Variants in GSG1L observed in about 807,000 individuals in gnomAD.
The protein encoded by GSG1L is germ cell-specific gene 1-like protein.
In GSG1L, 24 loss-of-function variants were observed where a neutral mutation model predicts 42.1. The ratio of observed to expected loss-of-function variants is 0.57; its 90% CI spans 0.41 to 0.80. The LOEUF (loss-of-function observed/expected upper bound fraction) is 0.80, where lower values mean the gene tolerates loss of function less well. GSG1L is among the 30% of genes least tolerant of loss of function. The probability of loss-of-function intolerance (pLI) is 0.00; values close to 1 mark genes in which losing one functional copy is unlikely to be tolerated. For synonymous variants in GSG1L, 215 were observed against 203.5 expected (o/e 1.06, Z -0.48); for missense variants, 445 against 472.2 (o/e 0.94, Z 0.53).
chr16:27,841,699 T>A (rs2083383241), intron 4 of GSG1L, among the ~76,000 whole-genome samples: 1 of 152,146 alleles, frequency 6.6e-6, no homozygotes, highest in African/African-American at 2.4e-5. Flanking sequence ...GAGAAATGGA[T>A]CAGCACTAAT....
At chr16:27,900,194 C>T (rs1372389942) in intron 2 of GSG1L, among the ~76,000 whole-genome samples, 3 of 152,206 alleles carry the variant, frequency 2.0e-5, no homozygotes. Flanking sequence ...CCAAATTGAA[C>T]CTGCGGGGTG....
chr16:27,932,204 C>A (rs2084664845), intron 2 of GSG1L, among the ~76,000 whole-genome samples: 1 of 152,150 alleles, frequency 6.6e-6, no homozygotes, highest in Non-Finnish European at 1.5e-5. Context: ...AGGCATGCAC[C>A]ACCACACCTG....
rs1254796070 is a variant in GSG1L at position 27,789,351 on chromosome 16, G to A, written c.*2019C>T. 6.6e-6 allele frequency: 1 copy of A among 151,966 alleles called. No individual in the cohort carries two copies. 9.4% of individuals were successfully genotyped at this position (151,966 alleles called of 1,614,324 possible). On this transcript the variant is annotated 3_prime_UTR_variant, in exon 7 of 7. Transcript: ENST00000447459. ...AATGGATGTGTGGATGACGGATAAT[G>A]GATGGATGGATGGTTGATGGATAAT...
rs1470541344 is a variant in GSG1L, at chr16:27,788,471, G to C, written c.*2899C>G. 1 of 152,284 alleles carries C rather than the reference G, an allele frequency of 6.6e-6. No individual in the cohort carries two copies. The highest frequency in any genetic ancestry group is 2.4e-5 in the African/African-American group (1 of 41,418). 9.4% of individuals were successfully genotyped at this position (152,284 alleles called of 1,614,324 possible). The stretch of plus-strand genomic sequence containing the variant: ...TCTAAGCTCCCTAAGAAGGTTTCCA[G>C]TTCCTCCTGGCCTGGCTCCACTGCC... On this transcript the variant is annotated 3_prime_UTR_variant, in exon 7 of 7. Coordinates refer to ENST00000447459, the MANE Select transcript of GSG1L (RefSeq NM_001109763.2).
chr16:28,033,308 G>T (rs2085989184), intron 1 of GSG1L, among the ~76,000 whole-genome samples: 1 of 152,202 alleles, frequency 6.6e-6, no homozygotes, highest in South Asian at 2.1e-4. Flanking sequence ...AACCGCCAGA[G>T]TAGAACAGTG....
intron 1 of GSG1L, among the ~76,000 whole-genome samples, chr16:27,976,374 C>T (rs1171045227): frequency 1.3e-5 from 2 of 152,196 alleles, no homozygotes; most frequent in South Asian, 2.1e-4. Flanking sequence ...ATGTCTTGTT[C>T]GCTGTTGTGT....
intron 6 of GSG1L, among the ~76,000 whole-genome samples, chr16:27,796,605 G>C (rs932376074): frequency 2.6e-5 from 4 of 152,236 alleles, no homozygotes; most frequent in African/African-American, 4.8e-5. Flanking sequence ...GAGGGCTCAG[G>C]AGGAAGGGCA....
At chr16:27,854,864 G>T (rs2083556677) in intron 3 of GSG1L, among the ~76,000 whole-genome samples, 1 of 152,162 alleles carries the variant, frequency 6.6e-6, no homozygotes, top group Non-Finnish European at 1.5e-5. Context: ...GTGATTGGGT[G>T]GGAATGAGAT....
At chr16:27,857,873 C>G (rs1216314829) in intron 3 of GSG1L, among the ~76,000 whole-genome samples, 8 of 148,976 alleles carry the variant, frequency 5.4e-5, no homozygotes, top group South Asian at 2.2e-4. Flanking sequence ...GGGCCTCCCC[C>G]TCTCCTCCTG....
chr16:27,807,854 A>G (rs924363045), intron 5 of GSG1L, among the ~76,000 whole-genome samples: 1 of 152,214 alleles, frequency 6.6e-6, no homozygotes. Flanking sequence ...CAAAAAGAGG[A>G]AAATAAATTA....
intron 1 of GSG1L, among the ~76,000 whole-genome samples, chr16:27,965,055 G>C (rs1357453274): frequency 6.6e-6 from 1 of 152,086 alleles, no homozygotes; most frequent in Non-Finnish European, 1.5e-5. Flanking sequence ...GTCTCACTCT[G>C]TCGCCCAGGC....
chr16:27,903,737 C>G (rs1270305810), intron 2 of GSG1L, among the ~76,000 whole-genome samples: 2 of 152,126 alleles, frequency 1.3e-5, no homozygotes, highest in South Asian at 2.1e-4. Flanking sequence ...GCTTGGCGGA[C>G]AGAGTGCAGT....
chr16:27,959,719 C>T (rs950293490), intron 2 of GSG1L, among the ~76,000 whole-genome samples: 4 of 151,854 alleles, frequency 2.6e-5, no homozygotes, highest in South Asian at 2.1e-4. Flanking sequence ...GAGTTCAAGG[C>T]GGCAGTGAGC....
At chr16:27,858,453 C>T (rs1327063955) in intron 3 of GSG1L, among the ~76,000 whole-genome samples, 1 of 152,196 alleles carries the variant, frequency 6.6e-6, no homozygotes. Context: ...TCCAGGTCAG[C>T]CCAACTCCAA....
At chr16:27,797,876 T>TAGC (rs1442335693) in intron 6 of GSG1L, among the ~76,000 whole-genome samples, 8 of 148,918 alleles carry the variant, frequency 5.4e-5, no homozygotes, top group African/African-American at 2.0e-4. Flanking sequence ...CTGTCTTTCG[T>TAGC]AGCAACATGG....
At position 28,043,162 on chromosome 16, in the gene GSG1L, G is replaced by C. The variant is rs138559767; in HGVS notation, c.349+19914C>G. On this transcript the variant is annotated intron_variant, in intron 1 of 6. Coordinates refer to ENST00000447459, the MANE Select transcript of GSG1L (RefSeq NM_001109763.2). ...TCTTTTCTGTGTCTTTTCTGAGATGGAACTGGAACTAGGGCCTAGAGCCTT... is the reference window on the plus strand; with the variant it reads ...TCTTTTCTGTGTCTTTTCTGAGATGCAACTGGAACTAGGGCCTAGAGCCTT... Among the ~76,000 whole-genome samples, 729 of 152,272 alleles carry C rather than the reference G, an allele frequency of 4.8e-3. 6 individuals are homozygous for C. Among genetic ancestry groups the C allele is most frequent in the African/African-American group, 0.016 (672 of 41,566 alleles).
chr16:27,876,251 G>A (rs905568862), intron 3 of GSG1L, among the ~76,000 whole-genome samples: 1 of 152,128 alleles, frequency 6.6e-6, no homozygotes, highest in Non-Finnish European at 1.5e-5. Flanking sequence ...AGGTGGCAGG[G>A]GTGACTGGTG....
intron 1 of GSG1L, among the ~76,000 whole-genome samples, chr16:28,047,416 A>C (rs1258839569): frequency 4.6e-5 from 7 of 152,164 alleles, no homozygotes; most frequent in Admixed American, 4.6e-4. Flanking sequence ...AAAACTAAAA[A>C]TTGGGAACAT....
At chr16:27,854,449 G>A (rs1387321824) in intron 3 of GSG1L, among the ~76,000 whole-genome samples, 2 of 152,124 alleles carry the variant, frequency 1.3e-5, no homozygotes, top group East Asian at 1.9e-4. Context: ...CTAAAAGGCC[G>A]CCGGCCTCCA....
Sources: gnomAD v4.1 joint callset for allele counts (sites outside exome capture counted in the v4.1 genomes callset) on GRCh38, gnomAD v4.1.1 for gene constraint, MANE v1.5 for transcripts, NCBI Gene and HGNC (gene_info 2026-07-23, HGNC 2026-07-21) for gene names.